The following NXPE3 variants were observed in gnomAD, a reference collection of about 807,000 sequenced individuals.
The protein encoded by NXPE3 is neurexophilin and PC-esterase domain family member 3.
A neutral mutation model predicts 46.1 loss-of-function variants in NXPE3; 26 were observed. The ratio of observed to expected loss-of-function variants is 0.56; its 90% CI spans 0.41 to 0.78. The LOEUF (loss-of-function observed/expected upper bound fraction) is 0.78, where lower values mean the gene tolerates loss of function less well. NXPE3 is among the 30% of genes least tolerant of loss of function. NXPE3 has a pLI of 0.00. For missense variants in NXPE3, 620 were observed against 686.0 expected, an observed-to-expected ratio of 0.90 and a Z score of 1.07; for synonymous variants, 272 against 257.9, an observed-to-expected ratio of 1.05 and a Z score of -0.52.
At chr3:101,787,150 C>CAAA (rs111642277) in intron 4 of NXPE3, among the ~76,000 whole-genome samples, 1 of 146,322 alleles carries the variant, frequency 6.8e-6, no homozygotes, top group African/African-American at 2.5e-5. Flanking sequence ...GAGACTGTCT[C>CAAA]AAAAAAAAAA....
intron 7 of NXPE3, among the ~76,000 whole-genome samples, chr3:101,820,880 G>T (rs1178826966): frequency 6.6e-6 from 1 of 152,190 alleles, no homozygotes; most frequent in African/African-American, 2.4e-5. Context: ...TTGAGTGGGG[G>T]AGTTGGGAGG....
At chr3:101,795,777 G>A (rs913945709) in intron 4 of NXPE3, among the ~76,000 whole-genome samples, 3 of 152,150 alleles carry the variant, frequency 2.0e-5, no homozygotes, top group Non-Finnish European at 2.9e-5. Flanking sequence ...ATAGAAGTCA[G>A]TAGATAGGTT....
chr3:101,821,278 A>G, intron 7 of NXPE3, 126 bp from the exon 8 acceptor site: 2 of 713,874 alleles, frequency 2.8e-6, no homozygotes, highest in Non-Finnish European at 2.3e-6. Flanking sequence ...TTCCCTTTAC[A>G]TTTATATTGT....
intron 7 of NXPE3, among the ~76,000 whole-genome samples, chr3:101,820,109 T>C (rs566344754): frequency 2.0e-5 from 3 of 152,168 alleles, no homozygotes; most frequent in African/African-American, 4.8e-5. Flanking sequence ...GTTGCTGATA[T>C]GTGCTCATAA....
At chr3:101,794,174 TG>T (rs1310427011) in intron 4 of NXPE3, among the ~76,000 whole-genome samples, 1 of 151,976 alleles carries the variant, frequency 6.6e-6, no homozygotes, top group Non-Finnish European at 1.5e-5. Flanking sequence ...CTATCTTTGC[TG>T]GAAGTGGAAG....
At chr3:101,793,884 T>C (rs1235348601) in intron 4 of NXPE3, among the ~76,000 whole-genome samples, 6 of 152,036 alleles carry the variant, frequency 3.9e-5, no homozygotes, top group Non-Finnish European at 7.4e-5. Flanking sequence ...CTGTGAATTA[T>C]AATCACCATG....
Position 101,822,162 on chromosome 3 carries a change from G to T in NXPE3, c.*208G>T. 3 of 500,136 alleles carry T rather than the reference G, an allele frequency of 6.0e-6. No homozygotes were observed. Among genetic ancestry groups the T allele is most frequent in the Non-Finnish European group, 1.1e-5 (3 of 282,050 alleles). 31.0% of individuals were successfully genotyped at this position (500,136 alleles called of 1,614,324 possible). The stretch of plus-strand genomic sequence containing the variant: ...TAGGATTTTATCCAATGTTGACTTA[G>T]CCATGGTAGAACTCTTAACTGCATC... On this transcript the variant is annotated 3_prime_UTR_variant, in exon 8 of 8. Coordinates refer to ENST00000273347, the MANE Select transcript of NXPE3 (RefSeq NM_145037.4).
chr3:101,801,554 A>G lies in NXPE3; in HGVS notation c.413A>G (p.Lys138Arg). Residue 138 changes from lysine (K) to arginine (R), a missense_variant, in exon 5 of 8, where the codon AAG becomes AGG. By Grantham distance (26) the Lys-to-Arg change is conservative (BLOSUM62 2). This residue lies in a region of NXPE3 where 511 missense variants were observed against 528.6 expected (regional missense o/e 0.97). Coordinates refer to ENST00000273347, the MANE Select transcript of NXPE3 (RefSeq NM_145037.4). ...HVQDFQRKPKKYGGDYLQARI... is the reference protein window; with the variant it reads ...HVQDFQRKPKRYGGDYLQARI... The stretch of plus-strand genomic sequence containing the variant: ...CAGGATTTTCAAAGAAAGCCCAAGA[A>G]GTATGGTGGAGACTACCTGCAGGCC... 6.2e-7 allele frequency: 1 copy of G among 1,614,232 alleles called. No homozygotes were observed. The highest frequency in any genetic ancestry group is 8.5e-7 in the Non-Finnish European group (1 of 1,180,034).
Position 101,801,591 on chromosome 3 carries a change from C to A in NXPE3, c.450C>A (p.Ser150=). 6.2e-7 allele frequency: 1 copy of A among 1,614,218 alleles called. No individual in the cohort carries two copies. The highest frequency in any genetic ancestry group is 8.5e-7 in the Non-Finnish European group (1 of 1,180,034). The part of the protein sequence containing the change: ...GGDYLQARIH[S]LKLQAGAVGR... ...ACTACCTGCAGGCCAGAATTCACTC[C>A]CTCAAGCTGCAGGCTGGGGCTGTGG... Residue 150 remains serine, a synonymous_variant, in exon 5 of 8, where the codon TCC becomes TCA. Coordinates refer to ENST00000273347, the MANE Select transcript of NXPE3 (RefSeq NM_145037.4).
chr3:101,786,663 T>C (rs13085776), intron 4 of NXPE3, among the ~76,000 whole-genome samples: 46,932 of 152,130 alleles, frequency 0.31, 7,436 homozygotes, highest in Non-Finnish European at 0.34. Flanking sequence ...ACTGTTCTTG[T>C]GTGTTTTACT....
At chr3:101,810,004 A>G (rs1941638554) in intron 6 of NXPE3, among the ~76,000 whole-genome samples, 1 of 152,208 alleles carries the variant, frequency 6.6e-6, no homozygotes, top group African/African-American at 2.4e-5. Context: ...TAGCTAATTA[A>G]TATTCTTACA....
At chr3:101,815,601 C>T (rs746173802) in intron 6 of NXPE3, among the ~76,000 whole-genome samples, 22 of 152,190 alleles carry the variant, frequency 1.4e-4, no homozygotes, top group Non-Finnish European at 2.8e-4. Context: ...TGGTGGCTCA[C>T]GCCTGTAATT....
rs1374942219 is a variant in NXPE3, at chr3:101,826,407, C to G, written c.*4453C>G. The G allele has an allele frequency of 2.6e-5, 4 of 152,098 alleles. No individual in the cohort carries two copies. Among genetic ancestry groups the G allele is most frequent in the African/African-American group, 9.7e-5 (4 of 41,410 alleles). The allele number at this position is 152,098 out of a possible 1,614,324, so 9.4% of individuals were successfully genotyped here. On this transcript the variant is annotated 3_prime_UTR_variant, in exon 8 of 8. Transcript: ENST00000273347. ...TTTAACATCAGCTAGTCACTAATGC[C>G]AGAAATTCCACTTCAAGTGTATTTA...
chr3:101,818,567 CA>C (rs1305909827), intron 7 of NXPE3, among the ~76,000 whole-genome samples: 1 of 151,094 alleles, frequency 6.6e-6, no homozygotes, highest in African/African-American at 2.4e-5. Flanking sequence ...TTGATCTAAT[CA>C]AAAGAAAGTG....
intron 4 of NXPE3, among the ~76,000 whole-genome samples, chr3:101,791,914 A>AT (rs1388560919): frequency 6.6e-6 from 1 of 152,250 alleles, no homozygotes; most frequent in Admixed American, 6.5e-5. Flanking sequence ...CCAACACTGT[A>AT]TAAGTGTTCC....
chr3:101,824,747 GT>G lies in NXPE3; in HGVS notation c.*2798del, dbSNP rs1942414472. The G allele has an allele frequency of 6.6e-6, 1 of 152,134 alleles. No homozygotes were observed. Among genetic ancestry groups the G allele is most frequent in the African/African-American group, 2.4e-5 (1 of 41,422 alleles). The allele number at this position is 152,134 out of a possible 1,614,324, so 9.4% of individuals were successfully genotyped here. On this transcript the variant is annotated 3_prime_UTR_variant, in exon 8 of 8. Transcript: ENST00000273347. ...TGTGAGCCACTGTGCCCAGCTGAGA[GT>G]TTTTCTTGTCGTGAAAGAACTTGAC...
rs879459386 is a variant in NXPE3, at chr3:101,827,682, G to T, written c.*5728G>T. ...AGTTTTGTTTGTAGATGTTGCCTCT[G>T]ATTCCTCCCTGCGGCTCCAGTCCAG... On this transcript the variant is annotated 3_prime_UTR_variant, in exon 8 of 8. Transcript: ENST00000273347. 1.3e-5 allele frequency among the ~76,000 whole-genome samples: 2 copies of T among 152,178 alleles called. No homozygotes were observed. The highest frequency in any genetic ancestry group is 2.9e-5 in the Non-Finnish European group (2 of 68,042).
At chr3:101,782,820 T>C (rs114177307) in intron 3 of NXPE3, 40 bp downstream of exon 3, 1 of 152,014 alleles carries the variant, frequency 6.6e-6, no homozygotes, top group East Asian at 1.9e-4. Context: ...AAAAAATTTT[T>C]TGTGTGTGTG....
In NXPE3 at chr3:101,816,925, A is replaced by G. The variant is rs753536593; in HGVS notation, c.1053A>G (p.Leu351=). 3.7e-6 allele frequency: 6 copies of G among 1,614,172 alleles called. No individual in the cohort carries two copies. The highest frequency in any genetic ancestry group is 1.3e-5 in the African/African-American group (1 of 75,056). Residue 351 remains leucine (L), a synonymous_variant, in exon 7 of 8, where the codon TTA becomes TTG. Transcript: ENST00000273347. ...ACCCTGACAACATTACAGAGTGCTT[A>G]CAAAGAAAAGTGGTGCATTTATTTG... ...FNDPDNITEC[L]QRKVVHLFGD...
Sources: allele counts gnomAD v4.1 joint callset (sites outside exome capture counted in the v4.1 genomes callset), GRCh38; gene constraint gnomAD v4.1.1; regional missense constraint gnomAD v4.1.1; transcripts MANE v1.5; gene names NCBI Gene and HGNC (gene_info 2026-07-23, HGNC 2026-07-21).